Variants in PCNX1 observed in about 807,000 individuals in gnomAD.
PCNX1 encodes the protein pecanex 1.
Under a neutral mutation model 242.2 loss-of-function variants are expected in PCNX1, and 78 were observed. That is an observed-to-expected ratio of 0.32 (90% CI 0.27 to 0.39). PCNX1 has a LOEUF of 0.39. PCNX1 is among the 10% of genes least tolerant of loss of function. The probability of loss-of-function intolerance (pLI) is 1.00; values close to 1 mark genes in which losing one functional copy is unlikely to be tolerated. For synonymous variants in PCNX1, 1,024 were observed against 1,032.9 expected, an observed-to-expected ratio of 0.99 and a Z score of 0.17; for missense variants, 2,581 against 2,856.5, an observed-to-expected ratio of 0.90 and a Z score of 2.20.
chr14:70,937,731 T>G lies in PCNX1; in HGVS notation c.154-9184T>G, dbSNP rs1011906793. 3.9e-5 allele frequency among the ~76,000 whole-genome samples: 6 copies of G among 152,174 alleles called. No homozygotes were observed. In the South Asian group the frequency reaches 1.0e-3, roughly 26 times the overall value. ...TCTATAAATTACCTTGGGCAGTATG[T>G]CCATTTTCACAATATTGATTCTTCC... On this transcript the variant is annotated intron_variant, in intron 1 of 35. Coordinates refer to ENST00000304743, the MANE Select transcript of PCNX1 (RefSeq NM_014982.3).
chr14:71,032,097 G>A (rs2060402998), intron 16 of PCNX1: 5 of 613,072 alleles, frequency 8.2e-6, no homozygotes, highest in Non-Finnish European at 1.5e-5. Flanking sequence ...CTCATGCTGA[G>A]AAAGCAGGTC....
In PCNX1 at chr14:70,992,927, A is replaced by G. The variant is rs544376841; in HGVS notation, c.2445-2814A>G. Among the ~76,000 whole-genome samples, 285 of 152,242 alleles carry G rather than the reference A, an allele frequency of 1.9e-3. 3 individuals carry two copies. The highest frequency in any genetic ancestry group is 6.8e-3 in the Middle Eastern group (2 of 294). On this transcript the variant is annotated intron_variant, in intron 7 of 35. Coordinates refer to ENST00000304743, the MANE Select transcript of PCNX1 (RefSeq NM_014982.3). The stretch of plus-strand genomic sequence containing the variant: ...AGGAATTCAAGAGACATCAGCATTT[A>G]TTTGTTATTTCCTCTTCCGAACCAT...
At chr14:71,091,827 A>G (rs2062141214) in intron 30 of PCNX1, among the ~76,000 whole-genome samples, 1 of 152,236 alleles carries the variant, frequency 6.6e-6, no homozygotes, top group Admixed American at 6.5e-5. Flanking sequence ...GTAATTTCGT[A>G]GTCACCTTCT....
intron 26 of PCNX1, among the ~76,000 whole-genome samples, chr14:71,068,051 G>T (rs1459206088): frequency 6.6e-6 from 1 of 152,042 alleles, no homozygotes; most frequent in Non-Finnish European, 1.5e-5. Context: ...AGTGGGTTGG[G>T]CACAGTGGCT....
chr14:70,964,040 G>A (rs183646270), intron 3 of PCNX1, among the ~76,000 whole-genome samples: 1 of 152,212 alleles, frequency 6.6e-6, no homozygotes, highest in Admixed American at 6.5e-5. Context: ...TAAAGAATGT[G>A]AAAAGAGCTA....
At chr14:71,011,757 C>G (rs1251548341) in intron 10 of PCNX1, 8 of 527,364 alleles carry the variant, frequency 1.5e-5, no homozygotes, top group Non-Finnish European at 2.3e-5. Context: ...TTAAGAAACC[C>G]TGGCATAGAG....
intron 26 of PCNX1, among the ~76,000 whole-genome samples, chr14:71,072,848 A>G (rs1342080205): frequency 3.3e-5 from 5 of 152,242 alleles, no homozygotes; most frequent in African/African-American, 1.2e-4. Context: ...TTTTTACTTC[A>G]ATAACATTCC....
chr14:70,952,463 C>T (rs149691535), intron 2 of PCNX1, among the ~76,000 whole-genome samples: 3 of 152,236 alleles, frequency 2.0e-5, no homozygotes, highest in African/African-American at 7.2e-5. Flanking sequence ...GTGAATAACT[C>T]CCTTGCTTTT....
chr14:71,036,280 G>A (rs894367514), intron 19 of PCNX1, 123 bp downstream of exon 19: 15 of 658,648 alleles, frequency 2.3e-5, no homozygotes, highest in African/African-American at 1.8e-5. Context: ...CTGGGCTCAA[G>A]TGATCCTCCC....
At chr14:70,946,090 C>A (rs2057445798) in intron 1 of PCNX1, among the ~76,000 whole-genome samples, 1 of 152,242 alleles carries the variant, frequency 6.6e-6, no homozygotes, top group Non-Finnish European at 1.5e-5. Flanking sequence ...GGGCCTTCAG[C>A]CCCACACCCA....
Position 71,033,500 on chromosome 14 carries a change from C to T in PCNX1, c.3630C>T (p.Tyr1210=), listed in dbSNP as rs71425297. 15,953 of 1,604,324 alleles carry T rather than the reference C, an allele frequency of 9.9e-3. 119 individuals carry two copies. Among genetic ancestry groups the T allele is most frequent in the Non-Finnish European group, 0.011 (13,207 of 1,171,320 alleles). Residue 1210 remains tyrosine, a synonymous_variant, in exon 17 of 36, where the codon TAC becomes TAT. Coordinates refer to ENST00000304743, the MANE Select transcript of PCNX1 (RefSeq NM_014982.3). ...IFCGLLVAVS[Y]HLSRQSSDPS... ...GTGGTTTATTAGTGGCAGTGTCTTA[C>T]CATCTCAGCCGACAAAGCAGTGATC...
intron 2 of PCNX1, among the ~76,000 whole-genome samples, chr14:70,960,792 A>C (rs1416588760): frequency 6.6e-6 from 1 of 152,150 alleles, no homozygotes; most frequent in Non-Finnish European, 1.5e-5. Flanking sequence ...AAATCTCCTT[A>C]AGCTGATAAG....
chr14:70,933,056 A>G (rs2056866234), intron 1 of PCNX1, among the ~76,000 whole-genome samples: 1 of 152,250 alleles, frequency 6.6e-6, no homozygotes, highest in African/African-American at 2.4e-5. Context: ...TATAATCCAA[A>G]ATTGTAAAAC....
At chr14:71,015,389 T>C (rs1479776015) in intron 11 of PCNX1, among the ~76,000 whole-genome samples, 1 of 152,212 alleles carries the variant, frequency 6.6e-6, no homozygotes, top group Admixed American at 6.5e-5. Flanking sequence ...TTATAACATG[T>C]AAAAGTAAAA....
intron 2 of PCNX1, among the ~76,000 whole-genome samples, chr14:70,949,467 T>A (rs745912102): frequency 1.3e-5 from 2 of 151,932 alleles, no homozygotes; most frequent in Non-Finnish European, 2.9e-5. Flanking sequence ...CACATACGCA[T>A]GTGTATATAT....
At chr14:71,025,575 A>G (rs984141628) in intron 13 of PCNX1, among the ~76,000 whole-genome samples, 7 of 152,086 alleles carry the variant, frequency 4.6e-5, no homozygotes, top group Admixed American at 2.6e-4. Context: ...ACACACGTAT[A>G]TACATATATA....
chr14:70,935,533 T>C (rs1320897788), intron 1 of PCNX1, among the ~76,000 whole-genome samples: 1 of 152,224 alleles, frequency 6.6e-6, no homozygotes, highest in Non-Finnish European at 1.5e-5. Context: ...TTTGACTCTT[T>C]TTGTAGAGGC....
At position 71,023,182 on chromosome 14, in the gene PCNX1, T is replaced by C. The variant is rs779168187; in HGVS notation, c.3151-18T>C. The C allele has an allele frequency of 1.2e-6, 2 of 1,601,152 alleles. No individual in the cohort carries two copies. The highest frequency in any genetic ancestry group is 8.6e-7 in the Non-Finnish European group (1 of 1,168,776). On this transcript the variant is annotated intron_variant, in intron 12 of 35. Transcript: ENST00000304743. ...CAAGACTTCAGGAGTGTAATTTGTC[T>C]TTCTGTTTCATTTTTAGAGTGTTCA...
intron 7 of PCNX1, among the ~76,000 whole-genome samples, chr14:70,994,686 T>G (rs1013368947): frequency 3.3e-5 from 5 of 151,722 alleles, no homozygotes; most frequent in Non-Finnish European, 4.4e-5. Flanking sequence ...ATTGCAGAGT[T>G]GCATTGAACA....
Sources: allele counts gnomAD v4.1 joint callset (sites outside exome capture counted in the v4.1 genomes callset), GRCh38; gene constraint gnomAD v4.1.1; transcripts MANE v1.5; gene names NCBI Gene and HGNC (gene_info 2026-07-23, HGNC 2026-07-21).